The following BOD1L1 variants were observed in gnomAD, a reference collection of about 807,000 sequenced individuals.
The protein encoded by BOD1L1 is biorientation of chromosomes in cell division protein 1-like 1.
BOD1L1 carries 86 observed loss-of-function variants against 240.7 expected under a neutral mutation model. That is an observed-to-expected ratio of 0.36 (90% CI 0.30 to 0.43). The LOEUF is 0.43. Among genes scored for constraint, BOD1L1 ranks in the 20% least tolerant of loss-of-function variants. The probability of loss-of-function intolerance (pLI) is 1.00; values close to 1 mark genes in which losing one functional copy is unlikely to be tolerated. For missense variants in BOD1L1, 3,554 were observed against 3,643.5 expected, an observed-to-expected ratio of 0.98 and a Z score of 0.63; for synonymous variants, 1,268 against 1,272.3, an observed-to-expected ratio of 1.00 and a Z score of 0.07.
chr4:13,581,201 G>C lies in BOD1L1; in HGVS notation c.8599C>G (p.Gln2867Glu). Residue 2867 changes from glutamine to glutamate, a missense_variant, in exon 20 of 26, where the codon CAG (glutamine) becomes GAG (glutamate). Gln to Glu is a conservative substitution (Grantham distance 29). Around this residue, in one of 2 missense-constraint regions of BOD1L1, gnomAD observed 3,393 missense variants for 3,427.1 expected, o/e 0.99. Transcript: ENST00000040738. Reference sequence around the variant, plus strand: ...CTTTTCCTTTTAATAATTATTGGCTGATCTTCCTAAGGGGGAAATAAAAAA... The same window carrying C: ...CTTTTCCTTTTAATAATTATTGGCTCATCTTCCTAAGGGGGAAATAAAAAA... ...DDTIKSQEED[Q>E]PIIIKRKRGR... The C allele has an allele frequency of 6.4e-7, 1 of 1,562,486 alleles. No homozygotes were observed.
At chr4:13,577,906 CT>C (rs752860284) in intron 22 of BOD1L1, 13,590 of 226,720 alleles carry the variant, frequency 0.06, 208 homozygotes, top group African/African-American at 0.11. Context: ...GATTAGACTA[CT>C]TTTTTTTTTT....
In BOD1L1 at chr4:13,595,957, A is replaced by C; in HGVS notation, c.8020-13T>G. 6.2e-7 allele frequency: 1 copy of C among 1,609,906 alleles called. No individual in the cohort carries two copies. The highest frequency in any genetic ancestry group is 8.5e-7 in the Non-Finnish European group (1 of 1,178,252). On this transcript the variant is annotated splice_polypyrimidine_tract_variant and intron_variant, in intron 11 of 25. Transcript: ENST00000040738. ...AAGGCACATAAGCCTAAAAAATCCA[A>C]AGCACCATAAAAATAAGTTAACCAG...
chr4:13,582,674 G>A lies in BOD1L1; in HGVS notation c.8496C>T (p.Thr2832=). Residue 2832 remains threonine (T), a synonymous_variant, in exon 18 of 26, where the codon ACC becomes ACT. Transcript: ENST00000040738. ...CACCTTTTTCTTCCATGACCCTTGA[G>A]GTAGTGCTATTTGTCTCAGAACTGG... ...PKTSSETNST[T]SRVMEEKDEY... is the part of the protein sequence containing the mutation. 6.2e-7 allele frequency: 1 copy of A among 1,612,398 alleles called. No individual in the cohort carries two copies. Among genetic ancestry groups the A allele is most frequent in the Admixed American group, 1.7e-5 (1 of 59,994 alleles).
rs1354197040 is a variant in BOD1L1 at position 13,599,040 on chromosome 4, C to G, written c.7860G>C (p.Glu2620Asp). The G allele has an allele frequency of 6.2e-7, 1 of 1,613,870 alleles. No homozygotes were observed. The highest frequency in any genetic ancestry group is 1.3e-5 in the African/African-American group (1 of 74,932). The change falls in exon 10 of 26, where the codon GAG (glutamate) becomes GAC (aspartate). Residue 2620 changes from glutamate (E) to aspartate (D), a missense_variant. Physicochemically the swap from Glu to Asp is conservative, Grantham distance 45 (BLOSUM62 2). This residue lies in a region of BOD1L1 where 3,393 missense variants were observed against 3,427.1 expected (regional missense o/e 0.99). Coordinates refer to ENST00000040738, the MANE Select transcript of BOD1L1 (RefSeq NM_148894.3). Reference protein sequence around the residue: ...SGKWTDQASAEKTGDDNSTRK... With the variant: ...SGKWTDQASADKTGDDNSTRK... ...TTGTGCTGTTATCATCTCCTGTTTTCTCAGCAGATGCTTGATCAGTCCATT... is the reference window on the plus strand; with the variant it reads ...TTGTGCTGTTATCATCTCCTGTTTTGTCAGCAGATGCTTGATCAGTCCATT...
rs868190358 is a variant in BOD1L1 at position 13,590,434 on chromosome 4, C to T, written c.8161G>A (p.Gly2721Ser). 2.0e-6 allele frequency: 3 copies of T among 1,518,438 alleles called. No individual in the cohort carries two copies. The African/African-American group carries it at 4.2e-5, about 21-fold the overall frequency. 94.1% of individuals were successfully genotyped at this position (1,518,438 alleles called of 1,614,324 possible). A position where few individuals can be genotyped will look rare whatever the true frequency, so the allele number is the denominator to read the frequency against. Residue 2721 changes from glycine (G) to serine (S), a missense_variant, in exon 14 of 26, where the codon GGC (glycine) becomes AGC (serine). By Grantham distance (56) the Gly-to-Ser change is moderately conservative (BLOSUM62 0). Coordinates refer to ENST00000040738, the MANE Select transcript of BOD1L1 (RefSeq NM_148894.3). ...VNESLNVENS[G>S]FRTNEEIHSE... ...TGAATTTCTTCATTTGTTCTGAAGC[C>T]TGAATTTTCAACCTAAATATACAAT...
chr4:13,595,961 A>C lies in BOD1L1; in HGVS notation c.8020-17T>G. The stretch of plus-strand genomic sequence containing the variant: ...CACATAAGCCTAAAAAATCCAAAGC[A>C]CCATAAAAATAAGTTAACCAGGGTT... On this transcript the variant is annotated splice_polypyrimidine_tract_variant and intron_variant, in intron 11 of 25. Coordinates refer to ENST00000040738, the MANE Select transcript of BOD1L1 (RefSeq NM_148894.3). 1 of 1,608,524 alleles carries C rather than the reference A, an allele frequency of 6.2e-7. No individual in the cohort carries two copies. The highest frequency in any genetic ancestry group is 8.5e-7 in the Non-Finnish European group (1 of 1,177,570).
intron 16 of BOD1L1, among the ~76,000 whole-genome samples, chr4:13,587,310 A>G (rs954786042): frequency 1.3e-5 from 2 of 152,228 alleles, no homozygotes; most frequent in African/African-American, 4.8e-5. Flanking sequence ...GTTACAGACC[A>G]TGAGAAAATC....
Position 13,601,214 on chromosome 4 carries a change from C to A in BOD1L1, c.5686G>T (p.Val1896Phe), listed in dbSNP as rs138813999. ...CCTTCTGCACTTTCACAAATCAAGACCCCTTCACTTTCTTCTCCTAACCCT... is the reference window on the plus strand; with the variant it reads ...CCTTCTGCACTTTCACAAATCAAGAACCCTTCACTTTCTTCTCCTAACCCT... Reference protein sequence around the residue: ...CTGLGEESEGVLICESAEGDS... With the variant: ...CTGLGEESEGFLICESAEGDS... Residue 1896 changes from valine to phenylalanine, a missense_variant, in exon 10 of 26, where the codon GTC (valine) becomes TTC (phenylalanine). Coordinates refer to ENST00000040738, the MANE Select transcript of BOD1L1 (RefSeq NM_148894.3). The A allele has an allele frequency of 2.4e-4, 387 of 1,613,876 alleles. No individual in the cohort carries two copies. The highest frequency in any genetic ancestry group is 1.3e-3 in the Middle Eastern group (8 of 6,084).
intron 22 of BOD1L1, among the ~76,000 whole-genome samples, chr4:13,579,244 G>T (rs981383013): frequency 2.0e-5 from 3 of 152,098 alleles, no homozygotes; most frequent in Non-Finnish European, 4.4e-5. Flanking sequence ...AAGTTATAAA[G>T]ATTTCTTGTA....
chr4:13,601,527 G>A lies in BOD1L1; in HGVS notation c.5373C>T (p.Val1791=). The change falls in exon 10 of 26, where the codon GTC becomes GTT. Residue 1791 remains valine (V), a synonymous_variant. Transcript: ENST00000040738. ...VNDGTEGESA[V]TSTGITEDGE... ...CATCTTCTGTTATCCCCGTGCTGGT[G>A]ACTGCACTCTCACCTTCTGTACCAT... 1 of 1,614,016 alleles carries A rather than the reference G, an allele frequency of 6.2e-7. No individual in the cohort carries two copies. Among genetic ancestry groups the A allele is most frequent in the South Asian group, 1.1e-5 (1 of 91,078 alleles).
At position 13,600,605 on chromosome 4, in the gene BOD1L1, G is replaced by C. The variant is rs144175591; in HGVS notation, c.6295C>G (p.Leu2099Val). Residue 2099 changes from leucine (L) to valine (V), a missense_variant, in exon 10 of 26, where the codon CTG becomes GTG. Leu to Val is a conservative substitution (Grantham distance 32). Around this residue, in one of 2 missense-constraint regions of BOD1L1, gnomAD observed 3,393 missense variants for 3,427.1 expected, o/e 0.99. Coordinates refer to ENST00000040738, the MANE Select transcript of BOD1L1 (RefSeq NM_148894.3). ...CCTTCCATATTTTCTTCAGTTCTCA[G>C]AGCATCTGAGAGACCTCCTTCCACA... is the stretch of plus-strand genomic sequence containing the variant. Reference protein sequence around the residue: ...TDVEGGLSDALRTEENMEGTR... With the variant: ...TDVEGGLSDAVRTEENMEGTR... The C allele has an allele frequency of 4.7e-3, 7,618 of 1,613,752 alleles. 30 individuals carry two copies. The highest frequency in any genetic ancestry group is 5.6e-3 in the Non-Finnish European group (6,638 of 1,179,792).
At position 13,604,818 on chromosome 4, in the gene BOD1L1, T is replaced by A; in HGVS notation, c.2082A>T (p.Lys694Asn). 1 of 1,612,934 alleles carries A rather than the reference T, an allele frequency of 6.2e-7. No individual in the cohort carries two copies. Among genetic ancestry groups the A allele is most frequent in the Non-Finnish European group, 8.5e-7 (1 of 1,179,686 alleles). Residue 694 changes from lysine (K) to asparagine (N), a missense_variant, in exon 10 of 26, where the codon AAA (lysine) becomes AAT (asparagine). Physicochemically the swap from Lys to Asn is moderately conservative, Grantham distance 94 (BLOSUM62 0). This residue lies in a region of BOD1L1 where 3,393 missense variants were observed against 3,427.1 expected (regional missense o/e 0.99). Transcript: ENST00000040738. ...EICTEEPQKQ[K>N]STLKNEKHLK... ...GATGCTTTTCGTTTTTAAGTGTGCT[T>A]TTCTGTTTCTGGGGCTCTTCGGTGC...
At chr4:13,582,361 C>T (rs1244417807) in intron 18 of BOD1L1, 51 bp from the exon 19 acceptor site, 4 of 1,446,706 alleles carry the variant, frequency 2.8e-6, no homozygotes, top group Non-Finnish European at 3.9e-6. Flanking sequence ...GGTCAGCCTT[C>T]CCCACCTTTA....
At position 13,593,867 on chromosome 4, in the gene BOD1L1, T is replaced by A. The variant is rs545610064; in HGVS notation, c.8105-1901A>T. ...CCAGACTGTGGTCTGGAATACCATG[T>A]GGATCCAGGAACACAGCACCTGACT... On this transcript the variant is annotated intron_variant, in intron 12 of 25. Coordinates refer to ENST00000040738, the MANE Select transcript of BOD1L1 (RefSeq NM_148894.3). Among the ~76,000 whole-genome samples the A allele has an allele frequency of 2.3e-4, 35 of 152,324 alleles. No homozygotes were observed. The Middle Eastern group carries it at 0.01, about 44-fold the overall frequency.
In BOD1L1 at chr4:13,602,459, C is replaced by T. The variant is rs749214331; in HGVS notation, c.4441G>A (p.Glu1481Lys). ...CCACTTCCAGCACTGGTGTCTACCT[C>T]ACTGTTTTCATTCCTTCTTTCAACA... ...IDVERRNENS[E>K]VDTSAGSGSA... is the part of the protein sequence containing the mutation. Residue 1481 changes from glutamate to lysine, a missense_variant, in exon 10 of 26, where the codon GAG (glutamate) becomes AAG (lysine). Around this residue, in one of 2 missense-constraint regions of BOD1L1, gnomAD observed 3,393 missense variants for 3,427.1 expected, o/e 0.99. Coordinates refer to ENST00000040738, the MANE Select transcript of BOD1L1 (RefSeq NM_148894.3). The T allele has an allele frequency of 1.2e-6, 2 of 1,614,002 alleles. No homozygotes were observed. Among genetic ancestry groups the T allele is most frequent in the Non-Finnish European group, 1.7e-6 (2 of 1,179,882 alleles).
chr4:13,573,470 A>ATCTATCTTTCTTTCTTTCTT (rs71169517), intron 25 of BOD1L1, among the ~76,000 whole-genome samples: 12 of 122,728 alleles, frequency 9.8e-5, no homozygotes, highest in African/African-American at 3.6e-4. Context: ...CTATCTATCT[A>ATCTATCTTTCTTTCTTTCTT]TCTTTCTTTC....
rs749721233 is a variant in BOD1L1, at chr4:13,600,158, C to T, written c.6742G>A (p.Glu2248Lys). The change falls in exon 10 of 26, where the codon GAA becomes AAA. Residue 2248 changes from glutamate to lysine, a missense_variant. This residue lies in a region of BOD1L1 where 3,393 missense variants were observed against 3,427.1 expected (regional missense o/e 0.99). Transcript: ENST00000040738. ...SENERAGTVMEEKDGSGIIST... is the reference protein window; with the variant it reads ...SENERAGTVMKEKDGSGIIST... ...ATGATGCCACTCCCGTCTTTTTCTT[C>T]CATGACTGTGCCAGCTCGCTCATTT... 7 of 1,613,870 alleles carry T rather than the reference C, an allele frequency of 4.3e-6. No homozygotes were observed. The South Asian group carries it at 5.5e-5, about 13-fold the overall frequency.
Position 13,573,845 on chromosome 4 carries a change from A to G in BOD1L1, c.9038+2993T>C, listed in dbSNP as rs189701036. ...GGCCTCTTTTATATTTTATTAATTT[A>G]ATTTAATTTTTTCTTTTAAGAGGGT... On this transcript the variant is annotated intron_variant, in intron 25 of 25. Transcript: ENST00000040738. Among the ~76,000 whole-genome samples, 963 of 151,950 alleles carry G rather than the reference A, an allele frequency of 6.3e-3. 6 individuals carry two copies. Among genetic ancestry groups the G allele is most frequent in the Non-Finnish European group, 9.6e-3 (653 of 67,958 alleles).
rs1485941691 is a variant in BOD1L1, at chr4:13,598,967, C to T, written c.7933G>A (p.Glu2645Lys). ...TCACCTATGTCACACACATTTTCTT[C>T]AGAAGACACAGTAACCATTATGTCT... Reference protein sequence around the residue: ...EGDIMVTVSSEENVCDIGNEE... With the variant: ...EGDIMVTVSSKENVCDIGNEE... The change falls in exon 10 of 26, where the codon GAA (glutamate) becomes AAA (lysine). Residue 2645 changes from glutamate to lysine, a missense_variant. Glu to Lys is a moderately conservative substitution (Grantham distance 56). Around this residue, in one of 2 missense-constraint regions of BOD1L1, gnomAD observed 3,393 missense variants for 3,427.1 expected, o/e 0.99. Transcript: ENST00000040738. 3.1e-6 allele frequency: 5 copies of T among 1,608,076 alleles called. No homozygotes were observed. The highest frequency in any genetic ancestry group is 2.2e-5 in the East Asian group (1 of 44,740).
Sources: gnomAD v4.1 joint callset for allele counts (sites outside exome capture counted in the v4.1 genomes callset) on GRCh38, gnomAD v4.1.1 for gene constraint, gnomAD v4.1.1 regional missense constraint, MANE v1.5 for transcripts, NCBI Gene and HGNC (gene_info 2026-07-23, HGNC 2026-07-21) for gene names.